SLIT3: variants seen among roughly 807,000 people sequenced by gnomAD.
The protein encoded by SLIT3 is slit homolog 3 protein.
In SLIT3, 68 loss-of-function variants were observed where a neutral mutation model predicts 184.0. That is an observed-to-expected ratio of 0.37 (90% confidence interval 0.30 to 0.45). The LOEUF (loss-of-function observed/expected upper bound fraction) is 0.45. Ranked by LOEUF, SLIT3 falls within the 20% of genes least tolerant of loss-of-function variation. The pLI is 1.00. For synonymous variants in SLIT3, 831 were observed against 828.6 expected (o/e 1.00, Z -0.05); for missense variants, 1,707 against 2,026.0 (o/e 0.84, Z 3.02).
intron 4 of SLIT3, among the ~76,000 whole-genome samples, chr5:168,887,902 G>T (rs1001480565): frequency 1.5e-4 from 23 of 152,110 alleles, no homozygotes; most frequent in Non-Finnish European, 3.1e-4. Context: ...ACTCTACAAA[G>T]AATAAAATAC....
intron 4 of SLIT3, among the ~76,000 whole-genome samples, chr5:169,145,012 A>T (rs1761881270): frequency 6.6e-6 from 1 of 152,196 alleles, no homozygotes; most frequent in African/African-American, 2.4e-5. Context: ...GCCGTTTTAA[A>T]CCAAGGCACA....
At chr5:168,984,731 G>C (rs1755068251) in intron 4 of SLIT3, among the ~76,000 whole-genome samples, 1 of 152,168 alleles carries the variant, frequency 6.6e-6, no homozygotes, top group African/African-American at 2.4e-5. Flanking sequence ...GCAAACAAAT[G>C]TAATATAAGG....
At chr5:168,847,063 A>C (rs1028609437) in intron 5 of SLIT3, among the ~76,000 whole-genome samples, 2 of 152,254 alleles carry the variant, frequency 1.3e-5, no homozygotes, top group Non-Finnish European at 2.9e-5. Flanking sequence ...AGAGTCTTTG[A>C]GAGGGCTCTG....
chr5:168,667,637 A>G (rs1261538501), intron 35 of SLIT3: 3 of 152,280 alleles, frequency 2.0e-5, no homozygotes, highest in Admixed American at 6.5e-5. Context: ...GAAGGGAGCC[A>G]TGACCCTTGA....
intron 4 of SLIT3, among the ~76,000 whole-genome samples, chr5:169,136,763 G>A (rs933163009): frequency 6.6e-6 from 1 of 152,142 alleles, no homozygotes; most frequent in African/African-American, 2.4e-5. Flanking sequence ...TGTGTGTTTG[G>A]GGGTGGGGAG....
At chr5:168,904,574 C>T (rs2113043721) in intron 4 of SLIT3, among the ~76,000 whole-genome samples, 1 of 152,280 alleles carries the variant, frequency 6.6e-6, no homozygotes, top group South Asian at 2.1e-4. Flanking sequence ...TTGGCATAGC[C>T]TTCAATGTCC....
chr5:169,288,063 G>A (rs760082235), intron 1 of SLIT3, among the ~76,000 whole-genome samples: 1 of 152,140 alleles, frequency 6.6e-6, no homozygotes, highest in African/African-American at 2.4e-5. Context: ...ACCTAAGAGA[G>A]AAAAATAAAG....
At chr5:168,694,865 T>G (rs892561664) in intron 28 of SLIT3, among the ~76,000 whole-genome samples, 4 of 152,326 alleles carry the variant, frequency 2.6e-5, no homozygotes, top group East Asian at 1.9e-4. Flanking sequence ...GTGATCTGCC[T>G]GCCTTGGCCT....
intron 3 of SLIT3, among the ~76,000 whole-genome samples, chr5:169,228,676 T>A (rs913115292): frequency 5.3e-5 from 8 of 152,212 alleles, no homozygotes; most frequent in African/African-American, 1.4e-4. Flanking sequence ...CAAATTTTTT[T>A]AAAACATGAG....
intron 5 of SLIT3, among the ~76,000 whole-genome samples, chr5:168,860,814 C>A (rs1759075247): frequency 6.6e-6 from 1 of 152,204 alleles, no homozygotes; most frequent in Admixed American, 6.5e-5. Context: ...CCCTGCCCTG[C>A]CTTGCCTTTC....
At chr5:168,824,077 T>C (rs115038926) in intron 6 of SLIT3, among the ~76,000 whole-genome samples, 1 of 152,132 alleles carries the variant, frequency 6.6e-6, no homozygotes, top group Non-Finnish European at 1.5e-5. Context: ...ACCTCTCAAG[T>C]AGCTGGAATT....
intron 4 of SLIT3, among the ~76,000 whole-genome samples, chr5:169,080,084 T>C (rs1211187419): frequency 6.6e-6 from 1 of 151,908 alleles, no homozygotes; most frequent in Admixed American, 6.6e-5. Context: ...TAAGGACAAG[T>C]GGACATGTAT....
intron 4 of SLIT3, among the ~76,000 whole-genome samples, chr5:169,192,498 C>A (rs185480821): frequency 6.6e-6 from 1 of 151,342 alleles, no homozygotes; most frequent in Non-Finnish European, 1.5e-5. Flanking sequence ...AGAACTCATT[C>A]GTAAGTGCAC....
intron 4 of SLIT3, among the ~76,000 whole-genome samples, chr5:169,115,132 T>G (rs900535022): frequency 1.3e-5 from 2 of 152,186 alleles, no homozygotes; most frequent in Non-Finnish European, 2.9e-5. Context: ...AAGGGTCTCA[T>G]CCTTCTAAGC....
chr5:168,922,098 G>A (rs1312727805), intron 4 of SLIT3, among the ~76,000 whole-genome samples: 1 of 152,174 alleles, frequency 6.6e-6, no homozygotes, highest in Non-Finnish European at 1.5e-5. Context: ...GCCCCATGCT[G>A]CAGTGTTAGT....
Position 168,823,347 on chromosome 5 carries a change from AGG to A in SLIT3, c.558-18_558-17del. On this transcript the variant is annotated splice_polypyrimidine_tract_variant and intron_variant, in intron 6 of 35. Transcript: ENST00000519560. ...GTTGAGGGTACTGTGGAGATAGACAAGGGAGATGGTCAGCCAGGCAGCAGCAG... is the reference window on the plus strand; with the variant it reads ...GTTGAGGGTACTGTGGAGATAGACAAGAGATGGTCAGCCAGGCAGCAGCAG... The A allele has an allele frequency of 6.2e-7, 1 of 1,601,516 alleles. No homozygotes were observed. The highest frequency in any genetic ancestry group is 1.7e-5 in the Admixed American group (1 of 60,000).
intron 4 of SLIT3, among the ~76,000 whole-genome samples, chr5:169,193,068 G>C (rs1763609530): frequency 6.6e-6 from 1 of 152,216 alleles, no homozygotes; most frequent in Non-Finnish European, 1.5e-5. Context: ...GCTTCAACCA[G>C]CAAGGTGATG....
At chr5:169,267,164 G>A (rs1766426437) in intron 1 of SLIT3, among the ~76,000 whole-genome samples, 1 of 152,004 alleles carries the variant, frequency 6.6e-6, no homozygotes, top group South Asian at 2.1e-4. Flanking sequence ...AACAAATAGA[G>A]GCACAGGGAG....
chr5:169,039,296 A>G (rs1021269178), intron 4 of SLIT3, among the ~76,000 whole-genome samples: 2 of 150,572 alleles, frequency 1.3e-5, no homozygotes, highest in Non-Finnish European at 2.9e-5. Context: ...AGTGCTCCGT[A>G]AGAGTTAAGT....
Sources: gnomAD v4.1 joint callset for allele counts (sites outside exome capture counted in the v4.1 genomes callset) on GRCh38, gnomAD v4.1.1 for gene constraint, MANE v1.5 for transcripts, NCBI Gene and HGNC (gene_info 2026-07-23, HGNC 2026-07-21) for gene names.